CEMIP2: variants seen among roughly 807,000 people sequenced by gnomAD.
CEMIP2 encodes cell surface hyaluronidase CEMIP2.
CEMIP2 carries 79 observed loss-of-function variants against 146.9 expected under a neutral mutation model. The ratio of observed to expected loss-of-function variants is 0.54; its 90% CI spans 0.45 to 0.65. The LOEUF (loss-of-function observed/expected upper bound fraction) is 0.65, where lower values mean the gene tolerates loss of function less well. Ranked by LOEUF, CEMIP2 falls within the 30% of genes least tolerant of loss-of-function variation. CEMIP2 has a pLI of 0.00. For synonymous variants in CEMIP2, 601 were observed against 606.3 expected (o/e 0.99, Z 0.13); for missense variants, 1,596 against 1,696.2 (o/e 0.94, Z 1.04).
chr9:71,711,825 T>C (rs528691466), intron 16 of CEMIP2, among the ~76,000 whole-genome samples: 14 of 152,094 alleles, frequency 9.2e-5, no homozygotes, highest in Non-Finnish European at 1.8e-4. Context: ...CTCTACAACC[T>C]CTGTATCATC....
In CEMIP2 at chr9:71,740,128, T is replaced by G. The variant is rs1401977172; in HGVS notation, c.1139A>C (p.Gln380Pro). The change falls in exon 5 of 24, where the codon CAA becomes CCA. Residue 380 changes from glutamine to proline, a missense_variant. Physicochemically the swap from Gln to Pro is moderately conservative, Grantham distance 76 (BLOSUM62 -1). Coordinates refer to ENST00000377044, the MANE Select transcript of CEMIP2 (RefSeq NM_013390.3). ...GCCATCCACAGTATAAAATTCTCTT[T>G]GGGCAAGAGCCTTCCCGCCACTGCT... is the stretch of plus-strand genomic sequence containing the variant. Reference protein sequence around the residue: ...NHSSGGKALAQREFYTVDGQK... With the variant: ...NHSSGGKALAPREFYTVDGQK... 1 of 1,614,070 alleles carries G rather than the reference T, an allele frequency of 6.2e-7. No individual in the cohort carries two copies. Among genetic ancestry groups the G allele is most frequent in the Non-Finnish European group, 8.5e-7 (1 of 1,180,004 alleles).
At chr9:71,732,137 C>A (rs1823637787) in intron 7 of CEMIP2, among the ~76,000 whole-genome samples, 1 of 151,908 alleles carries the variant, frequency 6.6e-6, no homozygotes, top group African/African-American at 2.4e-5. Flanking sequence ...CTTCATGGAA[C>A]AATTCTTAAA....
intron 22 of CEMIP2, 88 bp from the exon 23 acceptor site, chr9:71,685,934 G>A (rs1822047634): frequency 1.1e-6 from 1 of 892,560 alleles, no homozygotes; most frequent in African/African-American, 1.7e-5. Context: ...ACTGACTGCT[G>A]AATAGAAATA....
Position 71,732,356 on chromosome 9 carries a change from T to C in CEMIP2, c.1558A>G (p.Ile520Val). ...AATCAAATCCTTTTGCCTACCATAA[T>C]GTGTCCCCCAAAGGTATCATAATCA... ...FFDYDTFGGH[I>V]MIMKNFTSVH... is the part of the protein sequence containing the mutation. The change falls in exon 7 of 24, where the codon ATT becomes GTT. Residue 520 changes from isoleucine (I) to valine (V), a missense_variant. Coordinates refer to ENST00000377044, the MANE Select transcript of CEMIP2 (RefSeq NM_013390.3). 2 of 1,607,562 alleles carry C rather than the reference T, an allele frequency of 1.2e-6. No homozygotes were observed. The highest frequency in any genetic ancestry group is 4.5e-5 in the East Asian group (2 of 44,792).
At chr9:71,761,397 G>T (rs954477158) in intron 1 of CEMIP2, among the ~76,000 whole-genome samples, 6 of 152,190 alleles carry the variant, frequency 3.9e-5, no homozygotes, top group African/African-American at 4.8e-5. Flanking sequence ...ATACCAAAAT[G>T]CAATGACAAT....
intron 12 of CEMIP2, among the ~76,000 whole-genome samples, chr9:71,719,842 C>CAAA (rs34555277): frequency 1.3e-4 from 12 of 93,196 alleles, no homozygotes; most frequent in African/African-American, 4.4e-4. Flanking sequence ...TAAACGAAAG[C>CAAA]AAAAAAAAAA....
At chr9:71,715,769 G>A (rs1024022839) in intron 14 of CEMIP2, among the ~76,000 whole-genome samples, 1 of 151,150 alleles carries the variant, frequency 6.6e-6, no homozygotes, top group South Asian at 2.1e-4. Flanking sequence ...TTACAGGCAT[G>A]CCACTATGCC....
intron 4 of CEMIP2, among the ~76,000 whole-genome samples, chr9:71,743,516 A>G (rs1823985136): frequency 6.6e-6 from 1 of 152,230 alleles, no homozygotes; most frequent in Non-Finnish European, 1.5e-5. Context: ...CACTGTCTAC[A>G]CAGCACGCTC....
chr9:71,730,284 G>A (rs1162140641), intron 8 of CEMIP2, 31 bp from the exon 9 acceptor site: 8 of 1,593,074 alleles, frequency 5.0e-6, no homozygotes, highest in Non-Finnish European at 6.0e-6. Flanking sequence ...TAATGTCATT[G>A]GTAACAAGAA....
chr9:71,726,805 A>C (rs899369818), intron 10 of CEMIP2, among the ~76,000 whole-genome samples: 1 of 152,238 alleles, frequency 6.6e-6, no homozygotes, highest in Admixed American at 6.5e-5. Context: ...TTCTGGGCAC[A>C]AAACAGACAA....
At chr9:71,691,196 G>C (rs1822215335) in intron 21 of CEMIP2, among the ~76,000 whole-genome samples, 2 of 152,176 alleles carry the variant, frequency 1.3e-5, no homozygotes, top group African/African-American at 2.4e-5. Context: ...ACTTTGGGAG[G>C]TTGAGGTGGG....
upstream of CEMIP2, chr9:71,768,875 G>A (rs912978694): frequency 1.3e-5 from 2 of 149,288 alleles, no homozygotes; most frequent in African/African-American, 2.5e-5. Flanking sequence ...AGCCCGGCTC[G>A]GCTGGGCCGG....
At chr9:71,697,811 T>C in intron 20 of CEMIP2, 174 bp downstream of exon 20, 1 of 594,340 alleles carries the variant, frequency 1.7e-6, no homozygotes, top group South Asian at 2.3e-5. Flanking sequence ...GTCATAAATT[T>C]GAACTAGTTT....
At chr9:71,698,549 T>C (rs1178238332) in intron 19 of CEMIP2, among the ~76,000 whole-genome samples, 2 of 152,246 alleles carry the variant, frequency 1.3e-5, no homozygotes, top group African/African-American at 4.8e-5. Context: ...GTGTTGAGTT[T>C]AGGATTTGGT....
At position 71,708,867 on chromosome 9, in the gene CEMIP2, T is replaced by C. The variant is rs568842622; in HGVS notation, c.2985+392A>G. ...TCAAAAGTCAGATTCTTTCATTAAG[T>C]AGAGATTACTGACCCCAAAAGCAAA... On this transcript the variant is annotated intron_variant, in intron 17 of 23. Coordinates refer to ENST00000377044, the MANE Select transcript of CEMIP2 (RefSeq NM_013390.3). Among the ~76,000 whole-genome samples the C allele has an allele frequency of 2.6e-5, 4 of 152,326 alleles. No individual in the cohort carries two copies. The South Asian group carries it at 8.3e-4, about 32-fold the overall frequency.
chr9:71,709,616 T>TCCCCTGCAATGACTCAACTGCAGG, intron 16 of CEMIP2, 142 bp from the exon 17 acceptor site: 1 of 683,966 alleles, frequency 1.5e-6, no homozygotes, highest in Non-Finnish European at 2.5e-6. Flanking sequence ...TTGTCAGCTA[T>TCCCCTGCAATGACTCAACTGCAGG]GGCACTCAAG....
intron 17 of CEMIP2, 106 bp from the exon 18 acceptor site, chr9:71,704,909 C>A: frequency 1.9e-6 from 2 of 1,059,808 alleles, no homozygotes; most frequent in Admixed American, 2.1e-5. Flanking sequence ...AAGGGAGATT[C>A]TGTGATCTGT....
chr9:71,760,871 G>A (rs1253709774), intron 1 of CEMIP2, among the ~76,000 whole-genome samples: 1 of 152,216 alleles, frequency 6.6e-6, no homozygotes, highest in African/African-American at 2.4e-5. Flanking sequence ...GTACCTACCA[G>A]TCATTCTCTA....
At chr9:71,760,532 T>C (rs943266617) in intron 1 of CEMIP2, among the ~76,000 whole-genome samples, 1 of 151,246 alleles carries the variant, frequency 6.6e-6, no homozygotes, top group East Asian at 1.9e-4. Context: ...ATTAATCCTA[T>C]CTTTTTCCAA....
Sources: allele counts gnomAD v4.1 joint callset (sites outside exome capture counted in the v4.1 genomes callset), GRCh38; gene constraint gnomAD v4.1.1; transcripts MANE v1.5; gene names NCBI Gene and HGNC (gene_info 2026-07-23, HGNC 2026-07-21).